The following SLC22A9 variants were observed in gnomAD, a reference collection of about 807,000 sequenced individuals.
SLC22A9 encodes solute carrier family 22 member 9.
Under a neutral mutation model 50.1 loss-of-function variants are expected in SLC22A9, and 64 were observed. That is an observed-to-expected ratio of 1.28 (90% CI 1.04 to 1.57). SLC22A9 has a LOEUF of 1.57. SLC22A9 is among the 40% of genes most tolerant of loss of function. The pLI, the probability that SLC22A9 is intolerant of heterozygous loss-of-function variation, is 0.00. For synonymous variants in SLC22A9, 261 were observed against 242.5 expected, an observed-to-expected ratio of 1.08 and a Z score of -0.71; for missense variants, 757 against 676.1, an observed-to-expected ratio of 1.12 and a Z score of -1.33.
intron 5 of SLC22A9, among the ~76,000 whole-genome samples, chr11:63,381,152 C>T (rs562583780): frequency 6.6e-6 from 1 of 152,252 alleles, no homozygotes; most frequent in East Asian, 1.9e-4. Flanking sequence ...TTCTAGACAA[C>T]CCTCTAACCT....
chr11:63,395,918 A>G (rs2014847153), intron 6 of SLC22A9, among the ~76,000 whole-genome samples: 1 of 152,058 alleles, frequency 6.6e-6, no homozygotes, highest in South Asian at 2.1e-4. Context: ...CCCAGGTCAA[A>G]GGAGTTGTGT....
intron 5 of SLC22A9, among the ~76,000 whole-genome samples, chr11:63,381,947 A>G (rs967244362): frequency 1.3e-5 from 2 of 152,146 alleles, no homozygotes; most frequent in African/African-American, 4.8e-5. Flanking sequence ...TGTCTAAAAT[A>G]TCCTTGAAAC....
chr11:63,373,617 A>G, intron 2 of SLC22A9, 27 bp from the exon 3 acceptor site: 1 of 1,491,528 alleles, frequency 6.7e-7, no homozygotes, highest in Non-Finnish European at 8.9e-7. Context: ...TATTGTTCCC[A>G]TTATCTAACC....
chr11:63,399,164 C>T (rs11231449), intron 6 of SLC22A9, among the ~76,000 whole-genome samples: 34,769 of 151,962 alleles, frequency 0.23, 4,609 homozygotes, highest in East Asian at 0.68. Flanking sequence ...AAAGTAACCA[C>T]AAAACAAATA....
chr11:63,387,241 C>T (rs566274755), intron 6 of SLC22A9, among the ~76,000 whole-genome samples: 18 of 152,038 alleles, frequency 1.2e-4, no homozygotes, highest in African/African-American at 4.1e-4. Flanking sequence ...GAGAATTTTC[C>T]CAATTTTTTC....
At chr11:63,401,168 G>GA (rs1223870372) in intron 6 of SLC22A9, among the ~76,000 whole-genome samples, 1 of 151,476 alleles carries the variant, frequency 6.6e-6, no homozygotes. Flanking sequence ...CTAGGCAAGA[G>GA]AAAAAAATAA....
chr11:63,400,024 T>C (rs939607607), intron 6 of SLC22A9, among the ~76,000 whole-genome samples: 3 of 152,048 alleles, frequency 2.0e-5, no homozygotes, highest in Admixed American at 6.6e-5. Flanking sequence ...CTTTGAGATA[T>C]GGCAAAAGAA....
chr11:63,398,083 T>C (rs1030582872), intron 6 of SLC22A9, among the ~76,000 whole-genome samples: 1 of 152,092 alleles, frequency 6.6e-6, no homozygotes, highest in East Asian at 1.9e-4. Context: ...GGACCCAAGG[T>C]TTTTTAGTCA....
At chr11:63,391,184 C>G (rs554033897) in intron 6 of SLC22A9, among the ~76,000 whole-genome samples, 2 of 151,916 alleles carry the variant, frequency 1.3e-5, no homozygotes, top group African/African-American at 4.8e-5. Flanking sequence ...AGATAAGACA[C>G]TTAATATAAT....
chr11:63,388,258 A>G (rs1480834698), intron 6 of SLC22A9, among the ~76,000 whole-genome samples: 1 of 152,080 alleles, frequency 6.6e-6, no homozygotes, highest in Non-Finnish European at 1.5e-5. Flanking sequence ...TCTTAGATGA[A>G]AACTTTCCAT....
chr11:63,370,647 G>T (rs1187877094), intron 1 of SLC22A9, among the ~76,000 whole-genome samples, 189 bp downstream of exon 1: 2 of 152,110 alleles, frequency 1.3e-5, no homozygotes, highest in African/African-American at 2.4e-5. Flanking sequence ...AAAGTAGAAG[G>T]CATCCTGCTA....
intron 6 of SLC22A9, among the ~76,000 whole-genome samples, chr11:63,401,362 C>A (rs1203629415): frequency 2.0e-5 from 3 of 151,934 alleles, no homozygotes; most frequent in Non-Finnish European, 4.4e-5. Context: ...CAATAAACAG[C>A]AATCTGAAAA....
intron 4 of SLC22A9, among the ~76,000 whole-genome samples, chr11:63,374,623 G>A (rs555363282): frequency 1.1e-4 from 16 of 152,132 alleles, no homozygotes; most frequent in Admixed American, 3.3e-4. Context: ...GGATATCCTC[G>A]CCTTAACAAG....
At chr11:63,393,823 C>T (rs1282683939) in intron 6 of SLC22A9, among the ~76,000 whole-genome samples, 2 of 152,006 alleles carry the variant, frequency 1.3e-5, no homozygotes, top group Non-Finnish European at 2.9e-5. Flanking sequence ...CTCTGTAGTT[C>T]CTGAATTTGA....
chr11:63,408,759 C>A lies in SLC22A9; in HGVS notation c.1481C>A (p.Ser494Tyr). 1 of 1,614,006 alleles carries A rather than the reference C, an allele frequency of 6.2e-7. No homozygotes were observed. Among genetic ancestry groups the A allele is most frequent in the Non-Finnish European group, 8.5e-7 (1 of 1,179,936 alleles). ...CTCATGATGATCCTAAGTGTGTATT[C>A]TCCACCCCTGCCCTGGATCATCTAT... Reference protein sequence around the residue: ...APLMMILSVYSPPLPWIIYGV... With the variant: ...APLMMILSVYYPPLPWIIYGV... The change falls in exon 9 of 10, where the codon TCT (serine) becomes TAT (tyrosine). Residue 494 changes from serine (S) to tyrosine (Y), a missense_variant. Ser to Tyr is a moderately radical substitution (Grantham distance 144). Coordinates refer to ENST00000279178, the MANE Select transcript of SLC22A9 (RefSeq NM_080866.3).
chr11:63,386,026 C>CT (rs2014659468), intron 6 of SLC22A9, among the ~76,000 whole-genome samples: 1 of 152,030 alleles, frequency 6.6e-6, no homozygotes. Flanking sequence ...TATTGAAGGC[C>CT]TTTTCTGTGT....
rs867710903 is a variant in SLC22A9, at chr11:63,370,434, C to T, written c.378C>T (p.Ser126=). ...ATGGCTGGGTGTATGACAGAATCTC[C>T]TTCTCATCCACCATCGTGACTGAGG... ...CVDGWVYDRI[S]FSSTIVTEWD... Residue 126 remains serine (S), a synonymous_variant, in exon 1 of 10, where the codon TCC becomes TCT. Coordinates refer to ENST00000279178, the MANE Select transcript of SLC22A9 (RefSeq NM_080866.3). The T allele has an allele frequency of 1.3e-6, 2 of 1,597,634 alleles. No individual in the cohort carries two copies. The highest frequency in any genetic ancestry group is 1.7e-6 in the Non-Finnish European group (2 of 1,171,924).
At chr11:63,374,518 T>A (rs1381858313) in intron 4 of SLC22A9, among the ~76,000 whole-genome samples, 1 of 152,166 alleles carries the variant, frequency 6.6e-6, no homozygotes, top group African/African-American at 2.4e-5. Context: ...GAAATTCAAA[T>A]GCATCCATGC....
intron 6 of SLC22A9, among the ~76,000 whole-genome samples, chr11:63,398,513 G>A (rs1166968916): frequency 2.6e-5 from 4 of 152,172 alleles, no homozygotes; most frequent in African/African-American, 9.7e-5. Context: ...ACTGGGATGG[G>A]CGATTCCCCT....
Sources: allele counts gnomAD v4.1 joint callset (sites outside exome capture counted in the v4.1 genomes callset), GRCh38; gene constraint gnomAD v4.1.1; transcripts MANE v1.5; gene names NCBI Gene and HGNC (gene_info 2026-07-23, HGNC 2026-07-21).